Variants in TMTC3 observed in about 807,000 individuals in gnomAD.
The protein encoded by TMTC3 is protein O-mannosyl-transferase TMTC3.
In TMTC3, 52 loss-of-function variants were observed where a neutral mutation model predicts 92.2. The ratio of observed to expected loss-of-function variants is 0.56; its 90% CI spans 0.45 to 0.71. The LOEUF is 0.71. TMTC3 is among the 30% of genes least tolerant of loss of function. The pLI is 0.00. For synonymous variants in TMTC3, 339 were observed against 363.3 expected (o/e 0.93, Z 0.76); for missense variants, 896 against 1,057.1 (o/e 0.85, Z 2.11).
intron 7 of TMTC3, among the ~76,000 whole-genome samples, chr12:88,170,319 C>T (rs1414821500): frequency 6.6e-6 from 1 of 151,940 alleles, no homozygotes; most frequent in East Asian, 1.9e-4. Context: ...TGCCTTGGGG[C>T]GGCCATGAAT....
intron 4 of TMTC3, among the ~76,000 whole-genome samples, chr12:88,159,052 CAAAAAAAAAAAAAGGAA>C (rs2041044181): frequency 1.7e-5 from 1 of 57,680 alleles, no homozygotes; most frequent in Non-Finnish European, 3.5e-5. Context: ...AACTCTGTCT[CAAAAAAAAAAAAAGGAA>C]AAAAAAAAAA....
At chr12:88,167,415 A>T (rs1404230574) in intron 7 of TMTC3, among the ~76,000 whole-genome samples, 1 of 152,184 alleles carries the variant, frequency 6.6e-6, no homozygotes, top group African/African-American at 2.4e-5. Flanking sequence ...AAAAAACAAA[A>T]ATAAAAATAA....
intron 6 of TMTC3, among the ~76,000 whole-genome samples, chr12:88,161,774 C>T (rs2041082396): frequency 6.6e-6 from 1 of 150,896 alleles, no homozygotes; most frequent in African/African-American, 2.4e-5. Context: ...AGTTTACCTT[C>T]AAGGAATATT....
chr12:88,179,673 G>A (rs920014724), intron 10 of TMTC3, among the ~76,000 whole-genome samples: 3 of 152,054 alleles, frequency 2.0e-5, no homozygotes, highest in Non-Finnish European at 4.4e-5. Flanking sequence ...GCACAGCTTA[G>A]CACCGCCAAT....
At chr12:88,191,266 T>C (rs2041439418) in intron 12 of TMTC3, among the ~76,000 whole-genome samples, 1 of 152,162 alleles carries the variant, frequency 6.6e-6, no homozygotes, top group Admixed American at 6.5e-5. Context: ...AAGTTGGGGT[T>C]TTCTTTGTTC....
chr12:88,179,151 G>A (rs1390187577), intron 10 of TMTC3, among the ~76,000 whole-genome samples: 5 of 152,128 alleles, frequency 3.3e-5, no homozygotes, highest in Admixed American at 6.5e-5. Context: ...TGAATAAAGC[G>A]TTTTTTAAAC....
At chr12:88,169,264 C>T (rs1047613146) in intron 7 of TMTC3, among the ~76,000 whole-genome samples, 3 of 151,934 alleles carry the variant, frequency 2.0e-5, no homozygotes, top group Non-Finnish European at 2.9e-5. Context: ...TCTAGCAGTG[C>T]GTTGCCACTC....
chr12:88,153,465 A>G lies in TMTC3; in HGVS notation c.364A>G (p.Ile122Val). Residue 122 changes from isoleucine (I) to valine (V), a missense_variant, in exon 3 of 14, where the codon ATT becomes GTT. By Grantham distance (29) the Ile-to-Val change is conservative. Transcript: ENST00000266712. ...TTTTCTGGACAACAAGAGTAGTGTG[A>G]TTGCTTCTTTACTTTTTGCAGTGCA... Reference protein sequence around the residue: ...KLFLDNKSSVIASLLFAVHPI... With the variant: ...KLFLDNKSSVVASLLFAVHPI... The G allele has an allele frequency of 6.2e-7, 1 of 1,613,338 alleles. No individual in the cohort carries two copies. The highest frequency in any genetic ancestry group is 8.5e-7 in the Non-Finnish European group (1 of 1,179,662).
intron 12 of TMTC3, among the ~76,000 whole-genome samples, chr12:88,192,347 A>G (rs540770995): frequency 4.6e-5 from 7 of 152,298 alleles, no homozygotes; most frequent in Non-Finnish European, 8.8e-5. Context: ...TCCTCCTGAT[A>G]GGTTGCCCTC....
Position 88,148,448 on chromosome 12 carries a change from T to A in TMTC3, c.133T>A (p.Ser45Thr). Reference protein sequence around the residue: ...AILDNKDLHPSTPLKTLFQND... With the variant: ...AILDNKDLHPTTPLKTLFQND... The stretch of plus-strand genomic sequence containing the variant: ...ACTGGATAACAAAGACTTGCATCCA[T>A]CTACACCTTTAAAAACTTTATTTCA... Residue 45 changes from serine (S) to threonine (T), a missense_variant, in exon 2 of 14, where the codon TCT (serine) becomes ACT (threonine). Ser to Thr is a moderately conservative substitution (Grantham distance 58). Transcript: ENST00000266712. 6.2e-7 allele frequency: 1 copy of A among 1,613,074 alleles called. No homozygotes were observed. The highest frequency in any genetic ancestry group is 8.5e-7 in the Non-Finnish European group (1 of 1,179,554).
At chr12:88,178,864 A>G (rs1371765379) in intron 10 of TMTC3, among the ~76,000 whole-genome samples, 1 of 152,210 alleles carries the variant, frequency 6.6e-6, no homozygotes, top group Non-Finnish European at 1.5e-5. Flanking sequence ...TCTGTCTCAC[A>G]GTATTGTTGT....
At position 88,174,697 on chromosome 12, in the gene TMTC3, T is replaced by G; in HGVS notation, c.1290T>G (p.Ser430=). 6.2e-7 allele frequency: 1 copy of G among 1,612,568 alleles called. No individual in the cohort carries two copies. The highest frequency in any genetic ancestry group is 2.2e-5 in the East Asian group (1 of 44,688). The change falls in exon 9 of 14, where the codon TCT becomes TCG. Residue 430 remains serine, a synonymous_variant. Transcript: ENST00000266712. ...TCCACAGAAATTGGGATTGGGAGTC[T>G]GAATATACATTGTTTATGTCAGCCT... ...KTFHRNWDWE[S]EYTLFMSALK... is the part of the protein sequence containing the mutation.
chr12:88,158,284 C>G (rs2041033523), intron 4 of TMTC3, among the ~76,000 whole-genome samples: 2 of 152,090 alleles, frequency 1.3e-5, no homozygotes, highest in African/African-American at 4.8e-5. Context: ...GCTTAGCTTA[C>G]TCTCACCCCT....
chr12:88,152,553 G>A (rs1004594589), intron 2 of TMTC3, among the ~76,000 whole-genome samples: 23 of 152,088 alleles, frequency 1.5e-4, no homozygotes, highest in South Asian at 6.2e-4. Flanking sequence ...ATATATATTC[G>A]AACTGTGTGT....
chr12:88,195,608 A>C lies in TMTC3; in HGVS notation c.2704A>C (p.Lys902Gln), dbSNP rs772278119. 1 of 1,602,500 alleles carries C rather than the reference A, an allele frequency of 6.2e-7. No homozygotes were observed. ...EIEKKRVAALKRLEEIERILN... is the reference protein window; with the variant it reads ...EIEKKRVAALQRLEEIERILN... ...TGAGAAGAAAAGAGTTGCTGCTTTA[A>C]AAAGACTAGAAGAGATTGAACGTAT... Residue 902 changes from lysine (K) to glutamine (Q), a missense_variant, in exon 14 of 14, where the codon AAA becomes CAA. Coordinates refer to ENST00000266712, the MANE Select transcript of TMTC3 (RefSeq NM_181783.4).
chr12:88,192,922 T>G lies in TMTC3; in HGVS notation c.1933+92T>G. ...AACTTTATTACCCATAGCAAACACT[T>G]TATGTATTGACAGTTTATAGCAATA... On this transcript the variant is annotated intron_variant, in intron 13 of 13. Transcript: ENST00000266712. 3 of 1,029,490 alleles carry G rather than the reference T, an allele frequency of 2.9e-6. No homozygotes were observed. The South Asian group carries it at 5.3e-5, about 18-fold the overall frequency. The allele number at this position is 1,029,490 out of a possible 1,614,324, so 63.8% of individuals were successfully genotyped here. A position where few individuals can be genotyped will look rare whatever the true frequency, so the allele number is the denominator to read the frequency against.
chr12:88,143,882 A>T (rs2138346336), intron 1 of TMTC3, among the ~76,000 whole-genome samples: 1 of 152,216 alleles, frequency 6.6e-6, no homozygotes, highest in South Asian at 2.1e-4. Flanking sequence ...GTTATTCATG[A>T]GTTTTCTGGG....
chr12:88,188,407 A>G (rs113404628), intron 10 of TMTC3, among the ~76,000 whole-genome samples: 3,740 of 152,270 alleles, frequency 0.025, 137 homozygotes, highest in African/African-American at 0.083. Flanking sequence ...GTAAAATACA[A>G]TGAAGGAAGG....
chr12:88,148,066 G>A (rs1428599525), intron 1 of TMTC3, among the ~76,000 whole-genome samples: 1 of 152,120 alleles, frequency 6.6e-6, no homozygotes, highest in Non-Finnish European at 1.5e-5. Context: ...TATCCCGTAA[G>A]AGAGGGGGCT....
Sources: allele counts gnomAD v4.1 joint callset (sites outside exome capture counted in the v4.1 genomes callset), GRCh38; gene constraint gnomAD v4.1.1; transcripts MANE v1.5; gene names NCBI Gene and HGNC (gene_info 2026-07-23, HGNC 2026-07-21).